Variants in ANKRD30B observed in about 807,000 individuals in gnomAD.
ANKRD30B encodes ankyrin repeat domain 30B.
In ANKRD30B, 144 loss-of-function variants were observed where a neutral mutation model predicts 202.2. The ratio of observed to expected loss-of-function variants is 0.71; its 90% CI spans 0.62 to 0.82. ANKRD30B has a LOEUF of 0.82. Among genes scored for constraint, ANKRD30B ranks in the 40% least tolerant of loss-of-function variants. ANKRD30B has a pLI of 0.00. For missense variants in ANKRD30B, 1,487 were observed against 1,669.1 expected, an observed-to-expected ratio of 0.89 and a Z score of 1.90; for synonymous variants, 508 against 561.3, an observed-to-expected ratio of 0.91 and a Z score of 1.34.
Position 14,852,360 on chromosome 18 carries a change from T to C in ANKRD30B, c.4416T>C (p.Asn1472=). ...HLNEKNEEVF[N]YGNHLKERID... ...ACGAGAAAAATGAGGAGGTATTCAA[T>C]TATGGTAACCATTTAAAAGAACGTA... Residue 1472 remains asparagine, a synonymous_variant, in exon 42 of 44, where the codon AAT becomes AAC. Coordinates refer to ENST00000690538, the MANE Select transcript of ANKRD30B (RefSeq NM_001367607.2). 1 of 1,541,880 alleles carries C rather than the reference T, an allele frequency of 6.5e-7. No homozygotes were observed. The highest frequency in any genetic ancestry group is 8.7e-7 in the Non-Finnish European group (1 of 1,144,336).
At chr18:14,935,369 G>T in the ANKRD30B span, among the ~76,000 whole-genome samples, 1 of 152,284 alleles carries the variant, frequency 6.6e-6, no homozygotes, top group South Asian at 2.1e-4. Context: ...GCCTTTTGTG[G>T]CTGCTCCTCC....
At chr18:14,834,529 A>T (rs1971090035) in intron 34 of ANKRD30B, among the ~76,000 whole-genome samples, 1 of 152,030 alleles carries the variant, frequency 6.6e-6, no homozygotes, top group Non-Finnish European at 1.5e-5. Flanking sequence ...TAAAATAAAA[A>T]TTAAGAAAAC....
At chr18:14,818,521 C>A (rs1465082237) in intron 30 of ANKRD30B, among the ~76,000 whole-genome samples, 2 of 95,504 alleles carry the variant, frequency 2.1e-5, no homozygotes, top group Admixed American at 1.4e-4. Context: ...CTCCCCCCAC[C>A]CTACAACAGT....
chr18:14,751,248 AAT>A (rs1481967944), intron 1 of ANKRD30B, among the ~76,000 whole-genome samples: 3 of 152,030 alleles, frequency 2.0e-5, no homozygotes, highest in Admixed American at 6.6e-5. Flanking sequence ...TAAAATGACA[AAT>A]ATAAGTGTTT....
chr18:14,873,506 C>T, the ANKRD30B span, among the ~76,000 whole-genome samples: 59,597 of 131,302 alleles, frequency 0.45, 13,175 homozygotes, highest in East Asian at 0.61. Context: ...GCCTGGGTGA[C>T]AGAGCAAGAC....
In ANKRD30B at chr18:14,808,206, G is replaced by T. The variant is rs1360045298; in HGVS notation, c.2285-345G>T. Among the ~76,000 whole-genome samples the T allele has an allele frequency of 4.2e-4, 63 of 150,352 alleles. 4 individuals are homozygous for T. The highest frequency in any genetic ancestry group is 1.3e-3 in the African/African-American group (52 of 40,602). ...GGACTTATTTTTTTTTTGGCGGGGG[G>T]TCATGACTTGGTCATCTTAATAAAT... On this transcript the variant is annotated intron_variant, in intron 24 of 43. Transcript: ENST00000690538.
rs530638555 is a variant in ANKRD30B at position 14,774,157 on chromosome 18, T to G, written c.1329+1929T>G. Among the ~76,000 whole-genome samples, 235 of 152,248 alleles carry G rather than the reference T, an allele frequency of 1.5e-3. 2 individuals are homozygous for G. The highest frequency in any genetic ancestry group is 4.2e-3 in the African/African-American group (174 of 41,570). ...ATGTCTTATTATATAATAATAAAAT[T>G]AAAATCTTTATTACCCAGGTATTAA... On this transcript the variant is annotated intron_variant, in intron 9 of 43. Coordinates refer to ENST00000690538, the MANE Select transcript of ANKRD30B (RefSeq NM_001367607.2).
the ANKRD30B span, among the ~76,000 whole-genome samples, chr18:14,934,129 C>T: frequency 1.3e-5 from 2 of 152,348 alleles, no homozygotes; most frequent in Non-Finnish European, 2.9e-5. Flanking sequence ...GCAGGGCAGG[C>T]GCCCCAGGCC....
chr18:14,786,067 A>AAAAC (rs1198517565), intron 14 of ANKRD30B, among the ~76,000 whole-genome samples: 1 of 150,984 alleles, frequency 6.6e-6, no homozygotes, highest in African/African-American at 2.4e-5. Context: ...AAAAAAAAAA[A>AAAAC]AAAACAGGTA....
At chr18:14,756,033 G>T (rs1487234792) in intron 4 of ANKRD30B, among the ~76,000 whole-genome samples, 1 of 152,156 alleles carries the variant, frequency 6.6e-6, no homozygotes, top group Non-Finnish European at 1.5e-5. Flanking sequence ...GTGTAAAAGT[G>T]TTCCTATTTC....
At chr18:14,795,790 A>G (rs1256480901) in intron 16 of ANKRD30B, among the ~76,000 whole-genome samples, 1 of 152,090 alleles carries the variant, frequency 6.6e-6, no homozygotes, top group Non-Finnish European at 1.5e-5. Context: ...GTATATTGAC[A>G]TAAGAGACTC....
At chr18:14,900,476 TAAGTCTTC>T in the ANKRD30B span, among the ~76,000 whole-genome samples, 1 of 152,170 alleles carries the variant, frequency 6.6e-6, no homozygotes, top group East Asian at 1.9e-4. Flanking sequence ...CTTTGCCCCT[TAAGTCTTC>T]AAGCTTATGA....
intron 1 of ANKRD30B, among the ~76,000 whole-genome samples, chr18:14,751,861 C>T (rs1487210674): frequency 1.8e-5 from 2 of 108,120 alleles, no homozygotes; most frequent in African/African-American, 3.1e-5. Context: ...TTGTATATAC[C>T]GTATTCCACT....
intron 24 of ANKRD30B, among the ~76,000 whole-genome samples, chr18:14,804,141 G>A (rs1969358344): frequency 3.2e-5 from 1 of 31,134 alleles, no homozygotes; most frequent in South Asian, 9.8e-4. Flanking sequence ...GAGAGGACGG[G>A]AAGGAACAAG....
chr18:14,755,381 T>A (rs1211019351), intron 4 of ANKRD30B, among the ~76,000 whole-genome samples: 1 of 152,112 alleles, frequency 6.6e-6, no homozygotes, highest in African/African-American at 2.4e-5. Flanking sequence ...CTCTTTTTTA[T>A]ACACTTTTTT....
intron 36 of ANKRD30B, among the ~76,000 whole-genome samples, chr18:14,838,409 T>C (rs1568064576): frequency 6.6e-6 from 1 of 152,180 alleles, no homozygotes; most frequent in Admixed American, 6.5e-5. Flanking sequence ...GATTATCCAG[T>C]ATAGATCTGA....
intron 15 of ANKRD30B, 120 bp downstream of exon 15, chr18:14,787,220 A>AT: frequency 1.2e-6 from 1 of 826,918 alleles, no homozygotes; most frequent in Non-Finnish European, 1.8e-6. Flanking sequence ...ATTTTTTGAT[A>AT]TTTTTCAGAA....
At chr18:14,795,323 A>G (rs1940345168) in intron 16 of ANKRD30B, among the ~76,000 whole-genome samples, 1 of 152,270 alleles carries the variant, frequency 6.6e-6, no homozygotes, top group East Asian at 1.9e-4. Context: ...CCGGCTCCCA[A>G]GTAGCTGCGG....
intron 8 of ANKRD30B, among the ~76,000 whole-genome samples, chr18:14,771,811 G>A (rs539189080): frequency 6.6e-5 from 10 of 152,140 alleles, no homozygotes; most frequent in Non-Finnish European, 1.2e-4. Context: ...CCATTAAGTA[G>A]ATTTCCAGTT....
Sources: allele counts gnomAD v4.1 joint callset (sites outside exome capture counted in the v4.1 genomes callset), GRCh38; gene constraint gnomAD v4.1.1; transcripts MANE v1.5; gene names NCBI Gene and HGNC (gene_info 2026-07-23, HGNC 2026-07-21).